Variants in MAP7D2 observed in about 807,000 individuals in gnomAD.
MAP7D2 encodes the protein MAP7 domain containing 2.
A neutral mutation model predicts 63.5 loss-of-function variants in MAP7D2; 33 were observed. The observed-to-expected ratio is 0.52, with a 90% CI of 0.39 to 0.70. The LOEUF is 0.70. Among genes scored for constraint, MAP7D2 ranks in the 30% least tolerant of loss-of-function variants. The pLI is 0.00. For synonymous variants in MAP7D2, 224 were observed against 223.7 expected (o/e 1.00, Z -0.01); for missense variants, 626 against 604.0 (o/e 1.04, Z -0.38).
intron 3 of MAP7D2, among the ~76,000 whole-genome samples, chrX:20,057,851 A>C (rs188612699): frequency 3.5e-5 from 4 of 112,706 alleles, no homozygotes; most frequent in Admixed American, 2.8e-4. Context: ...CATGACTTAA[A>C]GATCAGGAAA....
chrX:20,035,601 A>T (rs1373242984), intron 8 of MAP7D2, among the ~76,000 whole-genome samples: 1 of 111,487 alleles, frequency 9.0e-6, no homozygotes, highest in Non-Finnish European at 1.9e-5. Flanking sequence ...TTAAAATATA[A>T]AATAGTTGGC....
Position 20,012,431 on chromosome X carries a change from C to T in MAP7D2, c.1990G>A (p.Gly664Arg). 1 of 1,208,611 alleles carries T rather than the reference C, an allele frequency of 8.3e-7. No individual in the cohort carries two copies. The change falls in exon 15 of 17, where the codon GGA becomes AGA. Residue 664 changes from glycine to arginine, a missense_variant. Transcript: ENST00000379643. The stretch of plus-strand genomic sequence containing the variant: ...TCAAGGGCATCCAGATGAATGAGTC[C>T]CCCAGCTGGCTTAAGCCCATTAGAG... ...IFSNGLKPAG[G>R]LIHLDALDGK...
At chrX:20,090,213 G>A (rs1354578444) in intron 1 of MAP7D2, among the ~76,000 whole-genome samples, 1 of 109,793 alleles carries the variant, frequency 9.1e-6, no homozygotes, top group Non-Finnish European at 1.9e-5. Context: ...TGCCGAATCC[G>A]GCCGGGCATG....
At chrX:20,108,861 C>T (rs1176816169) in intron 1 of MAP7D2, among the ~76,000 whole-genome samples, 1 of 110,573 alleles carries the variant, frequency 9.0e-6, no homozygotes, top group African/African-American at 3.3e-5. Context: ...CAATCATACC[C>T]AACACAGTGT....
chrX:20,015,898 G>A (rs2073368577), intron 11 of MAP7D2, among the ~76,000 whole-genome samples, 196 bp downstream of exon 11: 1 of 111,896 alleles, frequency 8.9e-6, no homozygotes, highest in African/African-American at 3.3e-5. Flanking sequence ...GTTTGCCTTT[G>A]GGGAAACCCT....
At chrX:20,076,797 C>T (rs891734993) in intron 1 of MAP7D2, among the ~76,000 whole-genome samples, 4 of 112,067 alleles carry the variant, frequency 3.6e-5, no homozygotes, top group African/African-American at 9.7e-5. Context: ...TACAAATCTA[C>T]GCCGTTAATA....
At chrX:20,047,726 T>C (rs1253938800) in intron 6 of MAP7D2, among the ~76,000 whole-genome samples, 4 of 109,103 alleles carry the variant, frequency 3.7e-5, no homozygotes, top group African/African-American at 1.3e-4. Context: ...TTAGGTGGGA[T>C]GATCACTTAA....
chrX:20,108,944 G>A (rs1399313912), intron 1 of MAP7D2, among the ~76,000 whole-genome samples: 1 of 110,155 alleles, frequency 9.1e-6, no homozygotes, highest in African/African-American at 3.3e-5. Context: ...AGGATGGGGG[G>A]TTCATTCCTG....
intron 1 of MAP7D2, among the ~76,000 whole-genome samples, chrX:20,080,739 C>T (rs937702661): frequency 1.8e-5 from 2 of 111,519 alleles, no homozygotes; most frequent in Non-Finnish European, 3.8e-5. Context: ...ATGGAGATCG[C>T]GCCCACTCAC....
At chrX:20,084,276 A>C (rs1012773404) in intron 1 of MAP7D2, among the ~76,000 whole-genome samples, 12 of 110,449 alleles carry the variant, frequency 1.1e-4, no homozygotes, top group African/African-American at 3.9e-4. Context: ...AGTAAGCTAC[A>C]CTGCATGTGA....
chrX:20,078,669 T>C (rs931865054), intron 1 of MAP7D2, among the ~76,000 whole-genome samples: 1 of 112,427 alleles, frequency 8.9e-6, no homozygotes, highest in African/African-American at 3.2e-5. Context: ...AGGAACAATA[T>C]ATGCAAAGCT....
In MAP7D2 at chrX:20,064,777, C is replaced by G. The variant is rs780149848; in HGVS notation, c.159G>C (p.Glu53Asp). ...QGMEGFLKSD[E>D]RQRLAKERRE... ...GTCTTTCTTTGGCCAATCTCTGCCT[C>G]TCATCTGATTTCAAAAATCCCTCCA... Residue 53 changes from glutamate (E) to aspartate (D), a missense_variant, in exon 2 of 17, where the codon GAG becomes GAC. Coordinates refer to ENST00000379643, the MANE Select transcript of MAP7D2 (RefSeq NM_001168465.2). The G allele has an allele frequency of 3.3e-6, 4 of 1,210,892 alleles. No individual in the cohort carries two copies. The South Asian group carries it at 7.0e-5, about 21-fold the overall frequency.
intron 1 of MAP7D2, among the ~76,000 whole-genome samples, chrX:20,095,337 G>C (rs1335721875): frequency 1.8e-5 from 2 of 111,196 alleles, no homozygotes; most frequent in Non-Finnish European, 3.8e-5. Flanking sequence ...CCAGGAATTC[G>C]AGACCAACCT....
chrX:20,116,694 G>T, intron 1 of MAP7D2, 56 bp downstream of exon 1: 2 of 1,097,124 alleles, frequency 1.8e-6, no homozygotes, highest in Non-Finnish European at 2.4e-6. Flanking sequence ...CGCCGGGCCC[G>T]CCCCCCCACA....
At chrX:20,028,854 C>T (rs185847618) in intron 8 of MAP7D2, among the ~76,000 whole-genome samples, 2 of 112,182 alleles carry the variant, frequency 1.8e-5, no homozygotes, top group East Asian at 2.8e-4. Flanking sequence ...AAGACTATCT[C>T]GTGGTAGATG....
intron 3 of MAP7D2, among the ~76,000 whole-genome samples, chrX:20,061,504 CCTGCT>C: frequency 1.8e-5 from 2 of 112,377 alleles, no homozygotes; most frequent in Middle Eastern, 9.1e-3. Context: ...TCAGCCCTGC[CCTGCT>C]GTGCCCAGGG....
At chrX:20,060,003 C>T (rs2065167914) in intron 3 of MAP7D2, among the ~76,000 whole-genome samples, 1 of 109,773 alleles carries the variant, frequency 9.1e-6, no homozygotes, top group African/African-American at 3.3e-5. Context: ...TGTGCCTTTT[C>T]AACTGCCATT....
chrX:20,075,173 A>C lies in MAP7D2; in HGVS notation c.131-10368T>G, dbSNP rs768146739. On this transcript the variant is annotated intron_variant, in intron 1 of 16. Transcript: ENST00000379643. ...TTTAATGTATGATTGGCACTTTCAA[A>C]ATCCCAAATCATGAAATTTCAGGTG... Among the ~76,000 whole-genome samples the C allele has an allele frequency of 1.2e-4, 13 of 112,413 alleles. No individual in the cohort carries two copies. In the East Asian group the frequency reaches 3.6e-3, roughly 31 times the overall value.
At position 20,116,780 on chromosome X, in the gene MAP7D2, G is replaced by A. The variant is rs140059368; in HGVS notation, c.100C>T (p.Arg34Trp). Residue 34 changes from arginine to tryptophan, a missense_variant, in exon 1 of 17, where the codon CGG (arginine) becomes TGG (tryptophan). Arg to Trp is a moderately radical substitution (Grantham distance 101). Coordinates refer to ENST00000379643, the MANE Select transcript of MAP7D2 (RefSeq NM_001168465.2). ...GGCCGGTAGTTGGGCTGAGAGGTCC[G>A]CACCGCGCCCGGTTCTGCGATCTTC... ...PGKIAEPGAV[R>W]TSQPNYRPQG... The A allele has an allele frequency of 2.2e-5, 26 of 1,188,104 alleles. No homozygotes were observed. The Admixed American group carries it at 2.7e-4, about 12-fold the overall frequency.
Sources: allele counts gnomAD v4.1 joint callset (sites outside exome capture counted in the v4.1 genomes callset), GRCh38; gene constraint gnomAD v4.1.1; transcripts MANE v1.5; gene names NCBI Gene and HGNC (gene_info 2026-07-23, HGNC 2026-07-21).